The following RNLS variants were observed in gnomAD, a reference collection of about 807,000 sequenced individuals.
RNLS encodes the protein renalase, FAD dependent amine oxidase.
Under a neutral mutation model 39.8 loss-of-function variants are expected in RNLS, and 39 were observed. That is an observed-to-expected ratio of 0.98 (90% CI 0.76 to 1.28). The LOEUF is 1.28. Among genes scored for constraint, RNLS ranks in the 50% most tolerant of loss-of-function variants. The pLI is 0.00. For synonymous variants in RNLS, 147 were observed against 150.7 expected, an observed-to-expected ratio of 0.98 and a Z score of 0.18; for missense variants, 410 against 413.3, an observed-to-expected ratio of 0.99 and a Z score of 0.07.
At chr10:88,294,765 T>C (rs1843949427) in intron 6 of RNLS, among the ~76,000 whole-genome samples, 1 of 152,100 alleles carries the variant, frequency 6.6e-6, no homozygotes, top group Admixed American at 6.6e-5. Flanking sequence ...TGAATAAATA[T>C]TTGCTCAAAG....
intron 4 of RNLS, among the ~76,000 whole-genome samples, chr10:88,452,382 T>C (rs902427574): frequency 6.6e-6 from 1 of 152,182 alleles, no homozygotes; most frequent in Non-Finnish European, 1.5e-5. Flanking sequence ...CACTGCATGC[T>C]CTGGAAGTTC....
At chr10:88,340,197 A>G (rs1233471491) in intron 5 of RNLS, among the ~76,000 whole-genome samples, 1 of 152,220 alleles carries the variant, frequency 6.6e-6, no homozygotes, top group East Asian at 1.9e-4. Flanking sequence ...CAGGATAAAA[A>G]TCCTTGTAGC....
At chr10:88,505,507 GGA>G (rs1845740766) in intron 4 of RNLS, among the ~76,000 whole-genome samples, 2 of 151,778 alleles carry the variant, frequency 1.3e-5, no homozygotes, top group African/African-American at 4.8e-5. Flanking sequence ...AGAAAGTAGG[GGA>G]GAGAGAAAAG....
chr10:88,368,007 A>T (rs1019220278), intron 4 of RNLS, among the ~76,000 whole-genome samples: 1 of 151,942 alleles, frequency 6.6e-6, no homozygotes, highest in Non-Finnish European at 1.5e-5. Context: ...ATATAGCCTA[A>T]CTTATTTTTT....
intron 4 of RNLS, among the ~76,000 whole-genome samples, chr10:88,395,136 A>G (rs1053243099): frequency 1.3e-5 from 2 of 151,840 alleles, no homozygotes; most frequent in South Asian, 2.1e-4. Context: ...TGGCACATGT[A>G]TACATATGTA....
the RNLS span, among the ~76,000 whole-genome samples, chr10:88,200,389 T>C: frequency 1.3e-5 from 2 of 152,300 alleles, no homozygotes; most frequent in African/African-American, 2.4e-5. Flanking sequence ...TAGATGTTTC[T>C]ATTGTGGTCT....
At chr10:88,200,020 C>A in the RNLS span, among the ~76,000 whole-genome samples, 1 of 151,976 alleles carries the variant, frequency 6.6e-6, no homozygotes, top group Admixed American at 6.6e-5. Flanking sequence ...TCCCAGCTAC[C>A]CAGGAGGCTG....
At chr10:88,314,403 A>ACAT (rs1252023407) in intron 6 of RNLS, 63 bp downstream of exon 6, 2 of 1,516,830 alleles carry the variant, frequency 1.3e-6, no homozygotes, top group Non-Finnish European at 1.8e-6. Context: ...TAAAGAAGTA[A>ACAT]CATCAGTTCT....
chr10:88,291,877 C>T (rs1046911822), intron 6 of RNLS, among the ~76,000 whole-genome samples: 2 of 152,092 alleles, frequency 1.3e-5, no homozygotes, highest in African/African-American at 2.4e-5. Context: ...CTCTCCAGGA[C>T]ACTACCCTTC....
At chr10:88,203,941 C>T in the RNLS span, among the ~76,000 whole-genome samples, 22 of 152,112 alleles carry the variant, frequency 1.4e-4, no homozygotes, top group African/African-American at 3.9e-4. Flanking sequence ...TAACATTTAT[C>T]GAGCACTTAC....
chr10:88,564,205 A>T (rs965563280), intron 4 of RNLS, among the ~76,000 whole-genome samples: 9 of 152,244 alleles, frequency 5.9e-5, no homozygotes, highest in Admixed American at 1.3e-4. Context: ...ACTAGAAATT[A>T]AAAAATTTAC....
chr10:88,487,423 T>G (rs907167290), intron 4 of RNLS, among the ~76,000 whole-genome samples: 1 of 152,020 alleles, frequency 6.6e-6, no homozygotes, highest in Non-Finnish European at 1.5e-5. Context: ...ATAAAAGATT[T>G]GAATAGACAG....
At chr10:88,261,548 G>A in the RNLS span, among the ~76,000 whole-genome samples, 1 of 152,142 alleles carries the variant, frequency 6.6e-6, no homozygotes. Flanking sequence ...ACATGGAAGT[G>A]ACACATGTCA....
At chr10:88,547,692 T>G (rs548327018) in intron 4 of RNLS, among the ~76,000 whole-genome samples, 14 of 152,316 alleles carry the variant, frequency 9.2e-5, no homozygotes, top group Non-Finnish European at 1.8e-4. Context: ...CTTAGAAGTT[T>G]TAGTGATCTG....
intron 4 of RNLS, among the ~76,000 whole-genome samples, chr10:88,535,502 G>T (rs573263140): frequency 6.6e-6 from 1 of 152,146 alleles, no homozygotes; most frequent in Non-Finnish European, 1.5e-5. Context: ...ATACCTAGGA[G>T]ATGGGATGAT....
intron 4 of RNLS, among the ~76,000 whole-genome samples, chr10:88,495,367 A>G (rs1845107613): frequency 6.6e-6 from 1 of 152,076 alleles, no homozygotes; most frequent in Non-Finnish European, 1.5e-5. Context: ...GGGAGGGGGG[A>G]TCATTAGATA....
At chr10:88,508,118 C>A (rs184193361) in intron 4 of RNLS, among the ~76,000 whole-genome samples, 5 of 152,226 alleles carry the variant, frequency 3.3e-5, no homozygotes, top group African/African-American at 1.2e-4. Flanking sequence ...TCTTCAGTTG[C>A]CAACTGTGTA....
chr10:88,208,041 T>C, the RNLS span, among the ~76,000 whole-genome samples: 1 of 152,110 alleles, frequency 6.6e-6, no homozygotes, highest in Non-Finnish European at 1.5e-5. Context: ...ATTAGTATAG[T>C]CCACAAGCTA....
intron 4 of RNLS, among the ~76,000 whole-genome samples, chr10:88,475,132 A>T (rs1843736437): frequency 6.6e-6 from 1 of 152,176 alleles, no homozygotes; most frequent in Non-Finnish European, 1.5e-5. Context: ...ACACAGGGCG[A>T]CAGGGCAGCC....
Sources: allele counts gnomAD v4.1 joint callset (sites outside exome capture counted in the v4.1 genomes callset), GRCh38; gene constraint gnomAD v4.1.1; transcripts MANE v1.5; gene names NCBI Gene and HGNC (gene_info 2026-07-23, HGNC 2026-07-21).